The following KLC1 variants were observed in gnomAD, a reference collection of about 807,000 sequenced individuals.
KLC1 encodes kinesin light chain 1, also known as kinesin 2 60/70kDa.
A neutral mutation model predicts 84.2 loss-of-function variants in KLC1; 30 were observed. The ratio of observed to expected loss-of-function variants is 0.36; its 90% confidence interval spans 0.27 to 0.48. The LOEUF (loss-of-function observed/expected upper bound fraction) is 0.48. Ranked by LOEUF, KLC1 falls within the 20% of genes least tolerant of loss-of-function variation. The pLI, the probability that KLC1 is intolerant of heterozygous loss-of-function variation, is 0.99. For synonymous variants in KLC1, 289 were observed against 293.3 expected, an observed-to-expected ratio of 0.99 and a Z score of 0.15; for missense variants, 499 against 805.4, an observed-to-expected ratio of 0.62 and a Z score of 4.60.
intron 4 of KLC1, 29 bp from the exon 5 acceptor site, chr14:103,662,673 C>T (rs184652328): frequency 1.3e-6 from 2 of 1,495,814 alleles, no homozygotes; most frequent in Admixed American, 4.5e-5. Context: ...TCTTTAAAAA[C>T]CCATCTGAAG....
chr14:103,674,375 C>G (rs1025501292), intron 9 of KLC1, among the ~76,000 whole-genome samples: 7 of 151,450 alleles, frequency 4.6e-5, no homozygotes, highest in Non-Finnish European at 7.4e-5. Flanking sequence ...GTGAGTGTTC[C>G]GAGAAGATGA....
At chr14:103,677,597 T>C in intron 12 of KLC1, 74 bp downstream of exon 12, 3 of 827,046 alleles carry the variant, frequency 3.6e-6, no homozygotes, top group South Asian at 2.9e-5. Context: ...ATGAATTTTA[T>C]TGAAAGCTTG....
At position 103,694,581 on chromosome 14, in the gene KLC1, T is replaced by C; in HGVS notation, c.1848+2156T>C. ...CAAACTAGTCCATAGGTAAAGAGCA[T>C]ACAAAACAGACGCCGAGGTGATCAG... On this transcript the variant is annotated intron_variant, in intron 15 of 16. Coordinates refer to ENST00000334553, the MANE Select transcript of KLC1 (RefSeq NM_001394837.1). This position sits in a 1 kb window ranked among gnomAD's most constrained non-coding sequence, Gnocchi z 4.5. The C allele has an allele frequency of 1.0e-6, 1 of 985,470 alleles. No homozygotes were observed. The highest frequency in any genetic ancestry group is 1.2e-6 in the Non-Finnish European group (1 of 829,946). 61.0% of individuals were successfully genotyped at this position (985,470 alleles called of 1,614,324 possible).
chr14:103,666,152 C>T lies in KLC1; in HGVS notation c.797+3225C>T, dbSNP rs142001766. Among the ~76,000 whole-genome samples, 63 of 152,232 alleles carry T rather than the reference C, an allele frequency of 4.1e-4. 1 individual carries two copies. The highest frequency in any genetic ancestry group is 1.5e-3 in the African/African-American group (61 of 41,554). On this transcript the variant is annotated intron_variant, in intron 5 of 16. Coordinates refer to ENST00000334553, the MANE Select transcript of KLC1 (RefSeq NM_001394837.1). ...TGTCTGGGCTCACTGCAAGCTCCGC[C>T]TCCCGGGTTCACGCCATTCTCCTGC...
rs1455628205 is a variant in KLC1, at chr14:103,695,071, C to T, written c.1848+2646C>T. 6.1e-6 allele frequency: 6 copies of T among 985,182 alleles called. No homozygotes were observed. The Admixed American group carries it at 3.1e-4, about 51-fold the overall frequency. 61.0% of individuals were successfully genotyped at this position (985,182 alleles called of 1,614,324 possible). ...CTTGCAGATTCTGGTGGATCAGGAG[C>T]TTACATTCTAAATGCTACATAGAGG... On this transcript the variant is annotated intron_variant, in intron 15 of 16. Coordinates refer to ENST00000334553, the MANE Select transcript of KLC1 (RefSeq NM_001394837.1).
At chr14:103,675,802 G>A (rs762258580) in intron 11 of KLC1, 46 bp downstream of exon 11, 3 of 1,507,010 alleles carry the variant, frequency 2.0e-6, no homozygotes, top group African/African-American at 1.4e-5. Flanking sequence ...AAAGCAGGGG[G>A]AAGGTAATTG....
chr14:103,665,509 A>G (rs945965890), intron 5 of KLC1, among the ~76,000 whole-genome samples: 2 of 152,098 alleles, frequency 1.3e-5, no homozygotes, highest in Admixed American at 6.5e-5. Context: ...ATCTCAGCTC[A>G]CTGCAACCTC....
chr14:103,679,349 A>G, intron 12 of KLC1, 35 bp from the exon 13 acceptor site: 2 of 1,610,524 alleles, frequency 1.2e-6, no homozygotes, highest in Non-Finnish European at 1.7e-6. Context: ...TTAAGTGCTA[A>G]TGGGTCAAAC....
intron 14 of KLC1, among the ~76,000 whole-genome samples, chr14:103,689,947 A>G (rs1028819570): frequency 6.6e-6 from 1 of 152,202 alleles, no homozygotes; most frequent in Admixed American, 6.5e-5. Context: ...TGGGAGGCCT[A>G]GGTGGGTGGA....
chr14:103,641,074 G>A (rs543640618), intron 1 of KLC1, among the ~76,000 whole-genome samples: 21 of 152,100 alleles, frequency 1.4e-4, no homozygotes, highest in East Asian at 5.8e-4. Context: ...ACAGGCATGC[G>A]CTACTATGCC....
chr14:103,700,446 A>G (rs3212103), intron 15 of KLC1: 117,232 of 480,014 alleles, frequency 0.24, 16,323 homozygotes, highest in East Asian at 0.53. Flanking sequence ...GGGGAGGGTG[A>G]CACAGCTGCT....
At chr14:103,646,593 C>T (rs140530270) in intron 1 of KLC1, among the ~76,000 whole-genome samples, 4 of 152,246 alleles carry the variant, frequency 2.6e-5, no homozygotes, top group African/African-American at 4.8e-5. Flanking sequence ...TCACTGCAGC[C>T]GTGAACTGCA....
At chr14:103,649,712 T>C (rs181773212) in intron 1 of KLC1, among the ~76,000 whole-genome samples, 2,448 of 151,576 alleles carry the variant, frequency 0.016, 60 homozygotes, top group African/African-American at 0.055. Flanking sequence ...TTTTTTTTTT[T>C]CGAGACGGAG....
At chr14:103,632,807 A>G (rs980972552) in intron 1 of KLC1, among the ~76,000 whole-genome samples, 28 of 152,152 alleles carry the variant, frequency 1.8e-4, no homozygotes, top group African/African-American at 6.3e-4. Context: ...ACCAGGTTAA[A>G]GGCTGTGGAG....
chr14:103,654,291 C>T (rs1350993759), intron 1 of KLC1, among the ~76,000 whole-genome samples: 1 of 152,178 alleles, frequency 6.6e-6, no homozygotes, highest in Non-Finnish European at 1.5e-5. Flanking sequence ...TTTGGAAATG[C>T]CATTTAGATG....
At chr14:103,653,541 G>T (rs1438006101) in intron 1 of KLC1, among the ~76,000 whole-genome samples, 1 of 152,128 alleles carries the variant, frequency 6.6e-6, no homozygotes, top group Non-Finnish European at 1.5e-5. Flanking sequence ...GGCTGGTTTT[G>T]AACTCCTGCC....
intron 9 of KLC1, among the ~76,000 whole-genome samples, chr14:103,673,796 G>A (rs1287029823): frequency 3.3e-5 from 5 of 152,076 alleles, no homozygotes; most frequent in Admixed American, 6.6e-5. Flanking sequence ...GATGGCGGCC[G>A]CCTGTAGTCC....
intron 13 of KLC1, among the ~76,000 whole-genome samples, chr14:103,680,621 G>T (rs1483291012): frequency 6.6e-6 from 1 of 152,128 alleles, no homozygotes; most frequent in Non-Finnish European, 1.5e-5. Flanking sequence ...GTTTTTCTCT[G>T]TGCCAAGACA....
At chr14:103,644,491 C>T (rs1224690948) in intron 1 of KLC1, among the ~76,000 whole-genome samples, 1 of 152,074 alleles carries the variant, frequency 6.6e-6, no homozygotes, top group Non-Finnish European at 1.5e-5. Flanking sequence ...GAACTCCTGA[C>T]CTCCTGATCC....
Sources: allele counts gnomAD v4.1 joint callset (sites outside exome capture counted in the v4.1 genomes callset), GRCh38; gene constraint gnomAD v4.1.1; non-coding constraint Gnocchi (gnomAD v3.1); transcripts MANE v1.5; gene names NCBI Gene and HGNC (gene_info 2026-07-23, HGNC 2026-07-21).